The following GNL2 variants were observed in gnomAD, a reference collection of about 807,000 sequenced individuals.
The protein encoded by GNL2 is nucleolar GTP-binding protein 2.
A neutral mutation model predicts 92.3 loss-of-function variants in GNL2; 51 were observed. That is an observed-to-expected ratio of 0.55 (90% CI 0.44 to 0.70). The LOEUF (loss-of-function observed/expected upper bound fraction) is 0.70. GNL2 is among the 30% of genes least tolerant of loss of function. The pLI is 0.00. For synonymous variants in GNL2, 283 were observed against 300.6 expected (o/e 0.94, Z 0.61); for missense variants, 844 against 895.6 (o/e 0.94, Z 0.74).
intron 2 of GNL2, chr1:37,593,552 T>C: frequency 7.9e-6 from 4 of 506,230 alleles, no homozygotes; most frequent in Admixed American, 3.6e-5. Flanking sequence ...TTGAGTATTG[T>C]GAAACCATCA....
At chr1:37,591,013 G>C (rs1338139357) in intron 3 of GNL2, among the ~76,000 whole-genome samples, 168 bp from the exon 4 acceptor site, 2 of 152,120 alleles carry the variant, frequency 1.3e-5, no homozygotes, top group African/African-American at 4.8e-5. Flanking sequence ...CCAAAAAACT[G>C]CCTCTCCCGC....
At chr1:37,592,634 G>A (rs1643894427) in intron 3 of GNL2, 78 bp downstream of exon 3, 2 of 802,110 alleles carry the variant, frequency 2.5e-6, no homozygotes, top group Non-Finnish European at 4.3e-6. Context: ...AACTCCTGCT[G>A]TTTAGACATT....
At chr1:37,577,612 A>G (rs1337602605) in intron 8 of GNL2, among the ~76,000 whole-genome samples, 2 of 152,226 alleles carry the variant, frequency 1.3e-5, no homozygotes, top group African/African-American at 2.4e-5. Context: ...ATTACAAAAT[A>G]TAAAAGCTAA....
At chr1:37,577,298 A>G (rs1371322140) in intron 8 of GNL2, among the ~76,000 whole-genome samples, 1 of 152,134 alleles carries the variant, frequency 6.6e-6, no homozygotes, top group East Asian at 1.9e-4. Context: ...ATAAATAACA[A>G]AAGAAAAAAA....
rs758821126 is a variant in GNL2, at chr1:37,567,000, C to T, written c.2051G>A (p.Arg684Gln). 17 of 1,610,414 alleles carry T rather than the reference C, an allele frequency of 1.1e-5. No individual in the cohort carries two copies. Among genetic ancestry groups the T allele is most frequent in the Admixed American group, 5.1e-5 (3 of 59,326 alleles). ...TTTCGGCCGTTGCTGTCGTACTGCTCGCCTCCGCTGTAAAAAATGGCAAGA... is the reference window on the plus strand; with the variant it reads ...TTTCGGCCGTTGCTGTCGTACTGCTTGCCTCCGCTGTAAAAAATGGCAAGA... ...PRALTSKERR[R>Q]AVRQQRPKKV... Residue 684 changes from arginine (R) to glutamine (Q), a missense_variant, in exon 16 of 16, where the codon CGA becomes CAA. Coordinates refer to ENST00000373062, the MANE Select transcript of GNL2 (RefSeq NM_013285.3).
At chr1:37,581,854 G>A (rs1203897671) in intron 8 of GNL2, among the ~76,000 whole-genome samples, 2 of 152,076 alleles carry the variant, frequency 1.3e-5, no homozygotes, top group African/African-American at 4.8e-5. Flanking sequence ...TAGTAGAGAC[G>A]GGGTTTCACC....
intron 8 of GNL2, among the ~76,000 whole-genome samples, chr1:37,577,030 T>C (rs1373466899): frequency 1.3e-5 from 2 of 151,734 alleles, no homozygotes; most frequent in Non-Finnish European, 2.9e-5. Flanking sequence ...GAGAATCGCT[T>C]GAACCTGGGA....
chr1:37,588,271 G>A (rs1277609928), intron 4 of GNL2, among the ~76,000 whole-genome samples: 1 of 150,958 alleles, frequency 6.6e-6, no homozygotes, highest in Non-Finnish European at 1.5e-5. Context: ...ACAGCCTGCA[G>A]ACAATTAAAA....
rs1643559537 is a variant in GNL2 at position 37,569,311 on chromosome 1, G to C, written c.1417-9C>G. 1 of 1,533,630 alleles carries C rather than the reference G, an allele frequency of 6.5e-7. No homozygotes were observed. Among genetic ancestry groups the C allele is most frequent in the South Asian group, 1.1e-5 (1 of 87,142 alleles). The stretch of plus-strand genomic sequence containing the variant: ...GATGAGGAGGGTAGAAGCTATTAAG[G>C]GGTGGAAATGGGGGAAATAAATAGA... On this transcript the variant is annotated splice_polypyrimidine_tract_variant and intron_variant, in intron 12 of 15. Coordinates refer to ENST00000373062, the MANE Select transcript of GNL2 (RefSeq NM_013285.3).
intron 12 of GNL2, 97 bp downstream of exon 12, chr1:37,574,246 G>C: frequency 1.7e-6 from 1 of 596,886 alleles, no homozygotes; most frequent in East Asian, 2.9e-5. Flanking sequence ...CACCGCAGCT[G>C]AATGAATACA....
Position 37,593,798 on chromosome 1 carries a change from A to G in GNL2, c.113T>C (p.Ile38Thr), listed in dbSNP as rs751026200. ...TTGCCTATACATATTCAGGCGCCGG[A>G]TGGTGGCCCGGTCCCTCATGTTTTG... ...GGQNMRDRAT[I>T]RRLNMYRQKE... Residue 38 changes from isoleucine to threonine, a missense_variant, in exon 2 of 16, where the codon ATC becomes ACC. Physicochemically the swap from Ile to Thr is moderately conservative, Grantham distance 89. Coordinates refer to ENST00000373062, the MANE Select transcript of GNL2 (RefSeq NM_013285.3). The G allele has an allele frequency of 1.2e-6, 2 of 1,614,126 alleles. No homozygotes were observed. The highest frequency in any genetic ancestry group is 1.7e-5 in the Admixed American group (1 of 60,010).
In GNL2 at chr1:37,593,719, G is replaced by A. The variant is rs776603851; in HGVS notation, c.149+43C>T. Reference sequence around the variant, plus strand: ...TCATCAGTCTCAGCTAGCAGTCAAGGGCATGAAGGAAAAGAGAAAGGATGA... The same window carrying A: ...TCATCAGTCTCAGCTAGCAGTCAAGAGCATGAAGGAAAAGAGAAAGGATGA... On this transcript the variant is annotated intron_variant, in intron 2 of 15. Coordinates refer to ENST00000373062, the MANE Select transcript of GNL2 (RefSeq NM_013285.3). 6.6e-6 allele frequency: 9 copies of A among 1,363,106 alleles called. No individual in the cohort carries two copies. In the Admixed American group the frequency reaches 6.8e-5, roughly 10 times the overall value. The allele number at this position is 1,363,106 out of a possible 1,614,324, so 84.4% of individuals were successfully genotyped here. A position where few individuals can be genotyped will look rare whatever the true frequency, so the allele number is the denominator to read the frequency against.
rs756732808 is a variant in GNL2 at position 37,595,857 on chromosome 1, C to T, written c.-35G>A. On this transcript the variant is annotated 5_prime_UTR_variant, in exon 1 of 16. Coordinates refer to ENST00000373062, the MANE Select transcript of GNL2 (RefSeq NM_013285.3). ...GAGACCGGGACCGGAGTGCGAGGTC[C>T]GGCTTACGTGGTGAAACAAACTTTT... The T allele has an allele frequency of 7.5e-6, 12 of 1,593,516 alleles. No homozygotes were observed. Among genetic ancestry groups the T allele is most frequent in the Admixed American group, 1.7e-5 (1 of 59,980 alleles).
intron 12 of GNL2, among the ~76,000 whole-genome samples, chr1:37,571,656 C>T (rs943980118): frequency 2.0e-5 from 3 of 152,200 alleles, no homozygotes; most frequent in African/African-American, 7.2e-5. Flanking sequence ...CCTTTGGTGA[C>T]CCTACGGTTA....
chr1:37,574,789 T>A lies in GNL2; in HGVS notation c.1178A>T (p.His393Leu). The A allele has an allele frequency of 6.2e-7, 1 of 1,613,490 alleles. No individual in the cohort carries two copies. Among genetic ancestry groups the A allele is most frequent in the Non-Finnish European group, 8.5e-7 (1 of 1,179,368 alleles). The change falls in exon 11 of 16, where the codon CAC becomes CTC. Residue 393 changes from histidine to leucine, a missense_variant. Coordinates refer to ENST00000373062, the MANE Select transcript of GNL2 (RefSeq NM_013285.3). Reference sequence around the variant, plus strand: ...TGCTCGTTCAAGTACAGCACCAATGTGGTCTTCAGGACTCTTAATTTTTTC... The same window carrying A: ...TGCTCGTTCAAGTACAGCACCAATGAGGTCTTCAGGACTCTTAATTTTTTC... ...QVEKIKSPEDHIGAVLERAKP... is the reference protein window; with the variant it reads ...QVEKIKSPEDLIGAVLERAKP...
At chr1:37,570,374 A>G (rs1643575691) in intron 12 of GNL2, 1 of 152,226 alleles carries the variant, frequency 6.6e-6, no homozygotes, top group African/African-American at 2.4e-5. Context: ...TACTAAAAAT[A>G]CAAAAATTAG....
chr1:37,585,912 C>T (rs922437952), intron 5 of GNL2, among the ~76,000 whole-genome samples: 2 of 152,132 alleles, frequency 1.3e-5, no homozygotes, highest in South Asian at 4.1e-4. Flanking sequence ...TGAAATTAAA[C>T]CCTTTCTCAA....
At chr1:37,586,166 C>T (rs1643847528) in intron 5 of GNL2, among the ~76,000 whole-genome samples, 1 of 152,170 alleles carries the variant, frequency 6.6e-6, no homozygotes, top group Non-Finnish European at 1.5e-5. Context: ...TGATTATGTA[C>T]TGACATAGAA....
In GNL2 at chr1:37,575,753, T is replaced by C; in HGVS notation, c.1039-54A>G. ...CTGTATCAAACACTAAGAGTCTAAT[T>C]TCACAAACCCCTGATGCTCATGTAT... On this transcript the variant is annotated intron_variant, in intron 9 of 15. Transcript: ENST00000373062. This position sits in a 1 kb window ranked among gnomAD's most constrained non-coding sequence, Gnocchi z 4.1. The C allele has an allele frequency of 1.8e-6, 2 of 1,105,180 alleles. No homozygotes were observed. Among genetic ancestry groups the C allele is most frequent in the Non-Finnish European group, 2.7e-6 (2 of 746,236 alleles). The allele number at this position is 1,105,180 out of a possible 1,614,324, so 68.5% of individuals were successfully genotyped here.
Sources: allele counts gnomAD v4.1 joint callset (sites outside exome capture counted in the v4.1 genomes callset), GRCh38; gene constraint gnomAD v4.1.1; non-coding constraint Gnocchi (gnomAD v3.1); transcripts MANE v1.5; gene names NCBI Gene and HGNC (gene_info 2026-07-23, HGNC 2026-07-21).